Variants in AP4S1 observed in about 807,000 individuals in gnomAD.
AP4S1 encodes the protein AP-4 complex subunit sigma-1.
A neutral mutation model predicts 19.8 loss-of-function variants in AP4S1; 23 were observed. The ratio of observed to expected loss-of-function variants is 1.16; its 90% CI spans 0.84 to 1.65. AP4S1 has a LOEUF of 1.65. Among genes scored for constraint, AP4S1 ranks in the 40% most tolerant of loss-of-function variants. The pLI is 0.00. For synonymous variants in AP4S1, 46 were observed against 54.1 expected, an observed-to-expected ratio of 0.85 and a Z score of 0.66; for missense variants, 166 against 172.8, an observed-to-expected ratio of 0.96 and a Z score of 0.22.
Position 31,026,108 on chromosome 14 carries a change from C to A in AP4S1, c.-72+321C>A, listed in dbSNP as rs567401189. 8.5e-5 allele frequency: 128 copies of A among 1,511,706 alleles called. No homozygotes were observed. The African/African-American group carries it at 1.3e-3, about 15-fold the overall frequency. The allele number at this position is 1,511,706 out of a possible 1,614,324, so 93.6% of individuals were successfully genotyped here. A position where few individuals can be genotyped will look rare whatever the true frequency, so the allele number is the denominator to read the frequency against. On this transcript the variant is annotated intron_variant, in intron 1 of 5. Transcript: ENST00000542754. Reference sequence around the variant, plus strand: ...TCCCCCCGGGCGAAAGGCCCAGGTTCCCCCCAGGTCCCTGCTGCTGCCGGG... The same window carrying A: ...TCCCCCCGGGCGAAAGGCCCAGGTTACCCCCAGGTCCCTGCTGCTGCCGGG...
At chr14:31,043,175 C>A (rs1885205211) in intron 1 of AP4S1, among the ~76,000 whole-genome samples, 1 of 150,942 alleles carries the variant, frequency 6.6e-6, no homozygotes, top group African/African-American at 2.4e-5. Flanking sequence ...GAGCCGAGAT[C>A]ATGCCACTGC....
At chr14:31,033,913 A>G (rs1387762467) in intron 1 of AP4S1, among the ~76,000 whole-genome samples, 1 of 152,226 alleles carries the variant, frequency 6.6e-6, no homozygotes, top group African/African-American at 2.4e-5. Flanking sequence ...AGGCTGTGAT[A>G]ATATTGTTTA....
intron 5 of AP4S1, among the ~76,000 whole-genome samples, chr14:31,081,437 A>G (rs1329580959): frequency 2.0e-5 from 3 of 152,142 alleles, no homozygotes; most frequent in East Asian, 3.8e-4. Flanking sequence ...CTTTTAAATC[A>G]CAATACCCAA....
intron 1 of AP4S1, among the ~76,000 whole-genome samples, chr14:31,043,661 A>G (rs1885237206): frequency 6.6e-6 from 1 of 152,224 alleles, no homozygotes; most frequent in Admixed American, 6.5e-5. Context: ...AAACTGAATC[A>G]TCGTAGAATT....
intron 4 of AP4S1, among the ~76,000 whole-genome samples, chr14:31,078,362 A>G (rs972457843): frequency 2.0e-5 from 3 of 152,244 alleles, no homozygotes; most frequent in Admixed American, 2.0e-4. Context: ...TGCAGTTAGT[A>G]TAACTGAGGA....
chr14:31,049,474 T>TATATATATATATATATAC (rs1885651433), intron 1 of AP4S1, among the ~76,000 whole-genome samples: 1 of 57,184 alleles, frequency 1.7e-5, no homozygotes, highest in Non-Finnish European at 3.4e-5. Context: ...TATATATATG[T>TATATATATATATATATAC]ACACACACAC....
Position 31,070,028 on chromosome 14 carries a change from C to A in AP4S1, c.225+99C>A. The A allele has an allele frequency of 1.5e-5, 16 of 1,042,804 alleles. No homozygotes were observed. In the South Asian group the frequency reaches 2.0e-4, roughly 13 times the overall value. The allele number at this position is 1,042,804 out of a possible 1,614,324, so 64.6% of individuals were successfully genotyped here. ...TTGATTTTTTTTAGACAGAATTTTGCCCTGTCACCAGTCTGGAGTGCCGTG... is the reference window on the plus strand; with the variant it reads ...TTGATTTTTTTTAGACAGAATTTTGACCTGTCACCAGTCTGGAGTGCCGTG... On this transcript the variant is annotated intron_variant, in intron 3 of 5. Coordinates refer to ENST00000542754, the MANE Select transcript of AP4S1 (RefSeq NM_001128126.3).
chr14:31,082,836 C>T (rs1156804860), intron 5 of AP4S1, among the ~76,000 whole-genome samples: 1 of 150,932 alleles, frequency 6.6e-6, no homozygotes, highest in Non-Finnish European at 1.5e-5. Context: ...GCGGAGCTTG[C>T]AGTGAGCCGA....
At chr14:31,051,084 A>C (rs1350070445) in intron 1 of AP4S1, among the ~76,000 whole-genome samples, 1 of 151,826 alleles carries the variant, frequency 6.6e-6, no homozygotes, top group Non-Finnish European at 1.5e-5. Context: ...GCAAGACCCC[A>C]TCTCCACAAG....
intron 1 of AP4S1, among the ~76,000 whole-genome samples, chr14:31,035,193 C>CTTTTT (rs11393950): frequency 2.5e-4 from 26 of 103,652 alleles, no homozygotes; most frequent in Admixed American, 3.7e-4. Context: ...ATGGTAATTC[C>CTTTTT]TTTTTTTTTT....
intron 3 of AP4S1, among the ~76,000 whole-genome samples, chr14:31,070,696 C>T (rs1886952197): frequency 6.6e-6 from 1 of 152,190 alleles, no homozygotes; most frequent in Admixed American, 6.6e-5. Flanking sequence ...AGTGCCCTGC[C>T]CTTGTTCTCT....
chr14:31,081,062 G>T (rs549931275), intron 5 of AP4S1, among the ~76,000 whole-genome samples: 1 of 152,270 alleles, frequency 6.6e-6, no homozygotes, highest in South Asian at 2.1e-4. Flanking sequence ...AAAGTGCTGG[G>T]ATTACAGGCG....
chr14:31,074,201 C>A (rs984885729), intron 4 of AP4S1, among the ~76,000 whole-genome samples: 4 of 151,770 alleles, frequency 2.6e-5, no homozygotes, highest in Non-Finnish European at 5.9e-5. Flanking sequence ...TGGCACCTGC[C>A]TGTAATCCCA....
At chr14:31,073,114 C>T in intron 4 of AP4S1, 141 bp downstream of exon 4, 1 of 710,288 alleles carries the variant, frequency 1.4e-6, no homozygotes. Flanking sequence ...GCCAAATTTT[C>T]TTTATCTTTC....
intron 5 of AP4S1, among the ~76,000 whole-genome samples, chr14:31,089,764 A>G (rs1380822745): frequency 1.3e-5 from 2 of 152,046 alleles, no homozygotes; most frequent in African/African-American, 2.4e-5. Context: ...TAAAGATACA[A>G]AAAAACTAGC....
rs1344186663 is a variant in AP4S1 at position 31,095,911 on chromosome 14, C to T, written c.*2876C>T. ...CCAGCTTGGCCAACATGGTGAGACCCTGTCTCTACTAAAACTACGAAAAAT... is the reference window on the plus strand; with the variant it reads ...CCAGCTTGGCCAACATGGTGAGACCTTGTCTCTACTAAAACTACGAAAAAT... On this transcript the variant is annotated 3_prime_UTR_variant, in exon 6 of 6. Transcript: ENST00000542754. 1 of 151,632 alleles carries T rather than the reference C, an allele frequency of 6.6e-6. No individual in the cohort carries two copies. The highest frequency in any genetic ancestry group is 1.9e-4 in the East Asian group (1 of 5,178). 9.4% of individuals were successfully genotyped at this position (151,632 alleles called of 1,614,324 possible).
intron 1 of AP4S1, among the ~76,000 whole-genome samples, chr14:31,055,470 G>A (rs2139517897): frequency 6.6e-6 from 1 of 152,232 alleles, no homozygotes; most frequent in East Asian, 1.9e-4. Context: ...AACAACCTAG[G>A]AAGTGAGTAC....
At chr14:31,035,950 T>A (rs1425269615) in intron 1 of AP4S1, among the ~76,000 whole-genome samples, 1 of 152,092 alleles carries the variant, frequency 6.6e-6, no homozygotes, top group African/African-American at 2.4e-5. Flanking sequence ...CAGGATGGTC[T>A]CGATATCCTG....
intron 5 of AP4S1, chr14:31,083,496 CTTTTTTTTTTT>C (rs768336426): frequency 1.1e-4 from 27 of 255,152 alleles, no homozygotes; most frequent in Middle Eastern, 2.9e-3. Context: ...TGTTGACACT[CTTTTTTTTTTT>C]TTTTTTTTTT....
Sources: gnomAD v4.1 joint callset for allele counts (sites outside exome capture counted in the v4.1 genomes callset) on GRCh38, gnomAD v4.1.1 for gene constraint, MANE v1.5 for transcripts, NCBI Gene and HGNC (gene_info 2026-07-23, HGNC 2026-07-21) for gene names.